Variants in DUOX1 observed in about 807,000 individuals in gnomAD.
DUOX1 encodes NADPH thyroid oxidase 1.
DUOX1 carries 134 observed loss-of-function variants against 181.8 expected under a neutral mutation model. That is an observed-to-expected ratio of 0.74 (90% CI 0.64 to 0.85). DUOX1 has a LOEUF of 0.85. DUOX1 is among the 40% of genes least tolerant of loss of function. The pLI, the probability that DUOX1 is intolerant of heterozygous loss-of-function variation, is 0.00. For synonymous variants in DUOX1, 798 were observed against 832.5 expected (o/e 0.96, Z 0.71); for missense variants, 1,814 against 2,064.4 (o/e 0.88, Z 2.35).
chr15:45,135,617 G>T lies in DUOX1; in HGVS notation c.639G>T (p.Leu213=). 6.4e-7 allele frequency: 1 copy of T among 1,557,362 alleles called. No homozygotes were observed. Among genetic ancestry groups the T allele is most frequent in the Non-Finnish European group, 8.7e-7 (1 of 1,151,830 alleles). ...TTCCCCGAGACTCGCAGAACCCCCT[G>T]CTCATGTGGGCGGCGCCCGACCCCG... ...PAFPRDSQNP[L]LMWAAPDPAT... is the part of the protein sequence containing the mutation. Residue 213 remains leucine, a synonymous_variant, in exon 6 of 34, where the codon CTG becomes CTT. Transcript: ENST00000389037.
At chr15:45,157,293 C>T (rs1896989249) in intron 28 of DUOX1, among the ~76,000 whole-genome samples, 1 of 152,214 alleles carries the variant, frequency 6.6e-6, no homozygotes, top group African/African-American at 2.4e-5. Context: ...TACCCTCTCT[C>T]CTCCTCTTCC....
intron 22 of DUOX1, 28 bp from the exon 23 acceptor site, chr15:45,151,095 A>G: frequency 6.2e-7 from 1 of 1,613,022 alleles, no homozygotes; most frequent in South Asian, 1.1e-5. Context: ...GATGGCCAGC[A>G]TCCTATCTCT....
Position 45,143,287 on chromosome 15 carries a change from C to T in DUOX1, c.1920C>T (p.Leu640=), listed in dbSNP as rs199972432. The change falls in exon 16 of 34, where the codon CTC becomes CTT. Residue 640 remains leucine, a synonymous_variant. Coordinates refer to ENST00000389037, the MANE Select transcript of DUOX1 (RefSeq NM_175940.3). ...QDRQSIVSEK[L]VGGMEALEWQ... is the part of the protein sequence containing the mutation. ...GCCAGAGCATCGTGTCTGAGAAGCT[C>T]GTGGGAGGCATGGAAGGTAGGTCTA... 107 of 1,614,026 alleles carry T rather than the reference C, an allele frequency of 6.6e-5. No homozygotes were observed. The highest frequency in any genetic ancestry group is 8.2e-5 in the Non-Finnish European group (97 of 1,179,978).
intron 15 of DUOX1, 33 bp from the exon 16 acceptor site, chr15:45,143,157 C>T (rs762138172): frequency 1.1e-5 from 18 of 1,566,510 alleles, no homozygotes; most frequent in Admixed American, 5.0e-5. Context: ...TAGACCCCCA[C>T]GTCTCCCTGA....
chr15:45,160,863 G>C lies in DUOX1; in HGVS notation c.3729G>C (p.Leu1243=). The change falls in exon 29 of 34, where the codon CTG becomes CTC. Residue 1243 remains leucine, a synonymous_variant. Transcript: ENST00000389037. ...VLLIIHGSFA[L]IQLPRFHIFF... ...TCATCATCCATGGTAGCTTTGCCCTGATCCAGCTGCCCCGTTTCCACATCT... is the reference window on the plus strand; with the variant it reads ...TCATCATCCATGGTAGCTTTGCCCTCATCCAGCTGCCCCGTTTCCACATCT... The C allele has an allele frequency of 6.2e-7, 1 of 1,611,466 alleles. No individual in the cohort carries two copies. The highest frequency in any genetic ancestry group is 8.5e-7 in the Non-Finnish European group (1 of 1,178,292).
intron 10 of DUOX1, among the ~76,000 whole-genome samples, chr15:45,138,419 A>T (rs569586532): frequency 6.6e-6 from 1 of 152,198 alleles, no homozygotes; most frequent in Non-Finnish European, 1.5e-5. Flanking sequence ...CCCATTAGAC[A>T]CACATCCCGG....
At chr15:45,149,386 A>G (rs140969619) in intron 21 of DUOX1, among the ~76,000 whole-genome samples, 2 of 152,326 alleles carry the variant, frequency 1.3e-5, no homozygotes, top group East Asian at 3.9e-4. Flanking sequence ...GGCAGGGGCA[A>G]CGAAGGTGCA....
At chr15:45,150,877 C>A (rs562009401) in intron 22 of DUOX1, among the ~76,000 whole-genome samples, 176 bp downstream of exon 22, 145 of 152,316 alleles carry the variant, frequency 9.5e-4, no homozygotes, top group African/African-American at 3.4e-3. Context: ...AGAAAGCCTG[C>A]TGGATTTCCG....
At position 45,131,994 on chromosome 15, in the gene DUOX1, A is replaced by G. The variant is rs952041562; in HGVS notation, c.28A>G (p.Thr10Ala). 1 of 1,613,866 alleles carries G rather than the reference A, an allele frequency of 6.2e-7. No homozygotes were observed. The highest frequency in any genetic ancestry group is 8.5e-7 in the Non-Finnish European group (1 of 1,179,944). The stretch of plus-strand genomic sequence containing the variant: ...GGGCTTCTGCCTGGCTCTAGCATGG[A>G]CACTTCTGGTTGGGGCATGGACCCC... MGFCLALAWTLLVGAWTPLG... is the reference protein window; with the variant it reads MGFCLALAWALLVGAWTPLG... Residue 10 changes from threonine to alanine, a missense_variant, in exon 2 of 34, where the codon ACA becomes GCA. Thr to Ala is a moderately conservative substitution (Grantham distance 58). Around this residue, in one of 5 missense-constraint regions of DUOX1, gnomAD observed 320 missense variants for 313.1 expected, o/e 1.02. Transcript: ENST00000389037.
At chr15:45,138,222 TA>T (rs1896387201) in intron 10 of DUOX1, among the ~76,000 whole-genome samples, 1 of 152,074 alleles carries the variant, frequency 6.6e-6, no homozygotes, top group Admixed American at 6.6e-5. Flanking sequence ...GGTGACCAGG[TA>T]GCTGAACATG....
chr15:45,141,448 T>G (rs1648283), intron 14 of DUOX1, 38 bp downstream of exon 14: 794,517 of 1,604,592 alleles, frequency 0.5, 208,048 homozygotes, highest in Non-Finnish European at 0.55. Flanking sequence ...GTGGTGGGTC[T>G]GGAGCCTCGT....
At position 45,142,124 on chromosome 15, in the gene DUOX1, G is replaced by A; in HGVS notation, c.1822+12G>A. The A allele has an allele frequency of 6.2e-7, 1 of 1,611,586 alleles. No individual in the cohort carries two copies. The highest frequency in any genetic ancestry group is 2.2e-5 in the East Asian group (1 of 44,864). On this transcript the variant is annotated intron_variant, in intron 15 of 33. Transcript: ENST00000389037. ...TTGCTTCCCTTTGGGTAAAATCATGGACAGAGTGGGGTGGGGTGAGAGATG... is the reference window on the plus strand; with the variant it reads ...TTGCTTCCCTTTGGGTAAAATCATGAACAGAGTGGGGTGGGGTGAGAGATG...
In DUOX1 at chr15:45,135,542, G is replaced by A. The variant is rs762870151; in HGVS notation, c.564G>A (p.Ala188=). The change falls in exon 6 of 34, where the codon GCG becomes GCA. Residue 188 remains alanine, a synonymous_variant. Transcript: ENST00000389037. ...IYGSSHSWSD[A]LRSFSRGQLA... ...GTTCCTCGCATTCCTGGAGCGACGC[G>A]CTGCGGAGCTTCTCCAGGGGACAGC... The A allele has an allele frequency of 2.6e-6, 4 of 1,558,244 alleles. No homozygotes were observed. Among genetic ancestry groups the A allele is most frequent in the African/African-American group, 1.4e-5 (1 of 73,668 alleles).
chr15:45,143,963 T>G, intron 16 of DUOX1, 73 bp from the exon 17 acceptor site: 3 of 1,492,406 alleles, frequency 2.0e-6, no homozygotes, highest in African/African-American at 1.4e-5. Context: ...ATTTCAGCCC[T>G]GAGCTGGCCC....
intron 28 of DUOX1, among the ~76,000 whole-genome samples, chr15:45,157,148 C>T (rs947781548): frequency 6.6e-6 from 1 of 152,234 alleles, no homozygotes; most frequent in Non-Finnish European, 1.5e-5. Context: ...ATAGGAGGGT[C>T]TGTTTCATCT....
chr15:45,165,017 A>C lies in DUOX1; in HGVS notation c.*116A>C. 8.2e-7 allele frequency: 1 copy of C among 1,225,168 alleles called. No individual in the cohort carries two copies. The highest frequency in any genetic ancestry group is 2.4e-5 in the East Asian group (1 of 42,050). The allele number at this position is 1,225,168 out of a possible 1,614,324, so 75.9% of individuals were successfully genotyped here. On this transcript the variant is annotated 3_prime_UTR_variant, in exon 34 of 34. Coordinates refer to ENST00000389037, the MANE Select transcript of DUOX1 (RefSeq NM_175940.3). ...GCCTTCTCTGATTTCCCACCTCCCA[A>C]CCTTGTTCCAGGTGGCCATAGTCAG...
At chr15:45,130,911 C>T (rs1164578267) in intron 1 of DUOX1, among the ~76,000 whole-genome samples, 1 of 152,212 alleles carries the variant, frequency 6.6e-6, no homozygotes, top group African/African-American at 2.4e-5. Flanking sequence ...CATCCAGAGC[C>T]CAGCTCTTCA....
intron 19 of DUOX1, 23 bp downstream of exon 19, chr15:45,147,681 G>T (rs765990994): frequency 1.2e-6 from 2 of 1,613,472 alleles, no homozygotes; most frequent in Non-Finnish European, 1.7e-6. Flanking sequence ...GGAATGATAG[G>T]AGAGGCTGGA....
intron 15 of DUOX1, among the ~76,000 whole-genome samples, chr15:45,142,411 A>G (rs1253279775): frequency 6.6e-6 from 1 of 152,164 alleles, no homozygotes; most frequent in Non-Finnish European, 1.5e-5. Flanking sequence ...GAGGACTGTC[A>G]GAGGCAAATC....
Sources: allele counts gnomAD v4.1 joint callset (sites outside exome capture counted in the v4.1 genomes callset), GRCh38; gene constraint gnomAD v4.1.1; regional missense constraint gnomAD v4.1.1; transcripts MANE v1.5; gene names NCBI Gene and HGNC (gene_info 2026-07-23, HGNC 2026-07-21).